PMM2: variants seen among roughly 807,000 people sequenced by gnomAD.
The protein encoded by PMM2 is mannose-6-phosphate isomerase.
Under a neutral mutation model 33.2 loss-of-function variants are expected in PMM2, and 35 were observed. The observed-to-expected ratio is 1.06, with a 90% CI of 0.81 to 1.40. PMM2 has a LOEUF of 1.40. Among genes scored for constraint, PMM2 ranks in the 40% most tolerant of loss-of-function variants. PMM2 has a pLI of 0.00. For synonymous variants in PMM2, 153 were observed against 114.7 expected (o/e 1.33, Z -2.13); for missense variants, 386 against 306.0 (o/e 1.26, Z -1.95).
chr16:8,834,323 A>G lies in PMM2; in HGVS notation c.640-13401A>G, dbSNP rs543428923. ...CCACTGAATACTAAGAGCCTGAGAA[A>G]CTGCTTGGGTGATTTGACTAGTAAA... is the stretch of plus-strand genomic sequence containing the variant. On this transcript the variant is annotated intron_variant, in intron 7 of 7. Transcript: ENST00000268261. 7.4e-3 allele frequency among the ~76,000 whole-genome samples: 1,129 copies of G among 152,184 alleles called. 1 individual carries two copies. Among genetic ancestry groups the G allele is most frequent in the African/African-American group, 0.025 (1,045 of 41,458 alleles).
intron 4 of PMM2, 36 bp downstream of exon 4, chr16:8,806,443 C>T (rs777151271): frequency 7.9e-7 from 1 of 1,262,556 alleles, no homozygotes; most frequent in South Asian, 1.2e-5. Context: ...GTCACAGGAA[C>T]ATAGCGTAGT....
intron 7 of PMM2, chr16:8,832,112 G>C (rs2060813485): frequency 1.0e-6 from 1 of 984,578 alleles, no homozygotes. Context: ...CGCTTCACTT[G>C]CTTTGCAGCT....
rs1014848197 is a variant in PMM2 at position 8,843,481 on chromosome 16, TAGG to T, written c.640-4238_640-4236del. Among the ~76,000 whole-genome samples, 63 of 149,022 alleles carry T rather than the reference TAGG, an allele frequency of 4.2e-4. 1 individual carries two copies. Among genetic ancestry groups the T allele is most frequent in the African/African-American group, 1.5e-3 (60 of 40,746 alleles). The stretch of plus-strand genomic sequence containing the variant: ...GGTCCCGCACAGATGGGACACGGCT[TAGG>T]AGGAATCCTGGGCTGCAGGCATTCC... On this transcript the variant is annotated intron_variant, in intron 7 of 7. Transcript: ENST00000268261.
At position 8,848,112 on chromosome 16, in the gene PMM2, G is replaced by A. The variant is rs2060940695; in HGVS notation, c.*287G>A. ...TACCCACCCTGATACGTGCAATCATGTAGTTTTGGCGGAAATTTCCCCATC... is the reference window on the plus strand; with the variant it reads ...TACCCACCCTGATACGTGCAATCATATAGTTTTGGCGGAAATTTCCCCATC... On this transcript the variant is annotated 3_prime_UTR_variant, in exon 8 of 8. Coordinates refer to ENST00000268261, the MANE Select transcript of PMM2 (RefSeq NM_000303.3). The A allele has an allele frequency of 2.5e-6, 1 of 407,654 alleles. No individual in the cohort carries two copies. The highest frequency in any genetic ancestry group is 3.9e-5 in the Admixed American group (1 of 25,758). The allele number at this position is 407,654 out of a possible 1,614,324, so 25.3% of individuals were successfully genotyped here.
Position 8,847,666 on chromosome 16 carries a change from C to T in PMM2, c.640-58C>T, listed in dbSNP as rs945506998. 10 of 1,315,092 alleles carry T rather than the reference C, an allele frequency of 7.6e-6. No individual in the cohort carries two copies. The East Asian group carries it at 2.3e-4, about 30-fold the overall frequency. 81.5% of individuals were successfully genotyped at this position (1,315,092 alleles called of 1,614,324 possible). On this transcript the variant is annotated intron_variant, in intron 7 of 7. Transcript: ENST00000268261. ...GTACTTTTGGACTCCAGGGTCACAT[C>T]AGCAATGGCCCGGGACAGACGAGGG...
At chr16:8,811,356 T>A (rs2060676769) in intron 5 of PMM2, among the ~76,000 whole-genome samples, 178 bp downstream of exon 5, 2 of 151,808 alleles carry the variant, frequency 1.3e-5, no homozygotes, top group Non-Finnish European at 2.9e-5. Flanking sequence ...TCTCTACAAA[T>A]AATAAAAAAA....
intron 2 of PMM2, among the ~76,000 whole-genome samples, chr16:8,803,191 A>G (rs1779616004): frequency 6.6e-6 from 1 of 152,192 alleles, no homozygotes; most frequent in Admixed American, 6.5e-5. Flanking sequence ...CCAAATCTGT[A>G]TGGACTGTAT....
chr16:8,806,428 G>T (rs371839553), intron 4 of PMM2, 21 bp downstream of exon 4: 2 of 1,472,270 alleles, frequency 1.4e-6, no homozygotes, highest in Non-Finnish European at 1.9e-6. Context: ...TTTTAACAAA[G>T]AGGCGTCACA....
At chr16:8,804,044 T>TTTTTG (rs2060632810) in intron 2 of PMM2, among the ~76,000 whole-genome samples, 1 of 142,094 alleles carries the variant, frequency 7.0e-6, no homozygotes, top group Admixed American at 7.0e-5. Context: ...TTTTTTTTTT[T>TTTTTG]TTTTTTTGAC....
intron 7 of PMM2, among the ~76,000 whole-genome samples, chr16:8,831,111 C>T (rs2060807043): frequency 6.6e-6 from 1 of 152,168 alleles, no homozygotes; most frequent in South Asian, 2.1e-4. Context: ...TGCACTCCAC[C>T]TTGGTGACAG....
In PMM2 at chr16:8,797,875, C is replaced by G. The variant is rs762284594; in HGVS notation, c.-8C>G. 11 of 1,611,378 alleles carry G rather than the reference C, an allele frequency of 6.8e-6. 1 individual carries two copies. The highest frequency in any genetic ancestry group is 9.3e-6 in the Non-Finnish European group (11 of 1,179,100). ...GTGTCTTGTAAGGTGCGGCTAGAAA[C>G]TGGGGACATGGCAGCGCCTGGCCCA... On this transcript the variant is annotated 5_prime_UTR_variant, in exon 1 of 8. Transcript: ENST00000268261.
chr16:8,835,465 A>G (rs980443346), intron 7 of PMM2, among the ~76,000 whole-genome samples: 6 of 152,018 alleles, frequency 3.9e-5, no homozygotes, highest in African/African-American at 1.4e-4. Context: ...GAAAGCAAAG[A>G]GACGCTGGGA....
chr16:8,818,987 C>A (rs750892217), intron 7 of PMM2, among the ~76,000 whole-genome samples: 6 of 152,250 alleles, frequency 3.9e-5, no homozygotes, highest in Non-Finnish European at 8.8e-5. Context: ...GCAAGAGAAC[C>A]TGTACTTACC....
chr16:8,806,190 T>A, intron 3 of PMM2, 126 bp from the exon 4 acceptor site: 1 of 725,928 alleles, frequency 1.4e-6, no homozygotes. Context: ...GTGGGGCATG[T>A]CACCATCACT....
intron 7 of PMM2, among the ~76,000 whole-genome samples, chr16:8,823,234 A>G (rs2141030887): frequency 6.6e-6 from 1 of 152,366 alleles, no homozygotes; most frequent in East Asian, 1.9e-4. Flanking sequence ...TATTACAAAG[A>G]ATAAGCTTCA....
chr16:8,821,147 G>C (rs2060737262), intron 7 of PMM2, among the ~76,000 whole-genome samples: 1 of 152,174 alleles, frequency 6.6e-6, no homozygotes, highest in Non-Finnish European at 1.5e-5. Flanking sequence ...TGTGTGGCTG[G>C]TGGCAGACTT....
At chr16:8,822,762 TAGG>T (rs2060745249) in intron 7 of PMM2, among the ~76,000 whole-genome samples, 1 of 152,152 alleles carries the variant, frequency 6.6e-6, no homozygotes, top group Non-Finnish European at 1.5e-5. Context: ...GACCCAAAGG[TAGG>T]AGGAGTGAAA....
intron 7 of PMM2, among the ~76,000 whole-genome samples, chr16:8,818,869 C>CAG (rs577247901): frequency 2.0e-5 from 3 of 149,330 alleles, no homozygotes; most frequent in South Asian, 2.1e-4. Context: ...TGGTTTGTTG[C>CAG]AGAGAGAGAG....
intron 7 of PMM2, among the ~76,000 whole-genome samples, chr16:8,841,337 T>C (rs1009310258): frequency 6.6e-6 from 1 of 151,414 alleles, no homozygotes; most frequent in South Asian, 2.1e-4. Flanking sequence ...GGTGGCCTTC[T>C]CAGACCCTGT....
Sources: gnomAD v4.1 joint callset for allele counts (sites outside exome capture counted in the v4.1 genomes callset) on GRCh38, gnomAD v4.1.1 for gene constraint, MANE v1.5 for transcripts, NCBI Gene and HGNC (gene_info 2026-07-23, HGNC 2026-07-21) for gene names.